The following APPL2 variants were observed in gnomAD, a reference collection of about 807,000 sequenced individuals.
APPL2 encodes adaptor protein, phosphotyrosine interacting with PH domain and leucine zipper 2.
A neutral mutation model predicts 92.7 loss-of-function variants in APPL2; 84 were observed. The ratio of observed to expected loss-of-function variants is 0.91; its 90% CI spans 0.76 to 1.09. APPL2 has a LOEUF of 1.09. APPL2 is among the 50% of genes least tolerant of loss of function. APPL2 has a pLI of 0.00. For synonymous variants in APPL2, 291 were observed against 291.0 expected (o/e 1.00, Z 0.00); for missense variants, 736 against 824.5 (o/e 0.89, Z 1.31).
At chr12:105,185,759 T>C (rs1239455790) in intron 17 of APPL2, among the ~76,000 whole-genome samples, 1 of 152,110 alleles carries the variant, frequency 6.6e-6, no homozygotes, top group Non-Finnish European at 1.5e-5. Context: ...CTCTAAATGG[T>C]CTCAGAACCT....
Position 105,188,429 on chromosome 12 carries a change from A to C in APPL2, c.1478T>G (p.Met493Arg). ...TGATCCCAAAAACCGAACTATAAAC[A>C]TCTGCTGCAAAAGAGAATCTGGAAG... ...PEAEDSLLQQ[M>R]FIVRFLGSMA... is the part of the protein sequence containing the mutation. Residue 493 changes from methionine (M) to arginine (R), a missense_variant, in exon 17 of 21, where the codon ATG becomes AGG. Coordinates refer to ENST00000258530, the MANE Select transcript of APPL2 (RefSeq NM_018171.5). 1 of 1,614,062 alleles carries C rather than the reference A, an allele frequency of 6.2e-7. No individual in the cohort carries two copies. Among genetic ancestry groups the C allele is most frequent in the Non-Finnish European group, 8.5e-7 (1 of 1,179,972 alleles).
In APPL2 at chr12:105,236,087, C is replaced by T; in HGVS notation, c.-75G>A. Reference sequence around the variant, plus strand: ...AGACGCGGCGGCCGAGAGCACTCCCCGGCTCTGGGCTCAGGCGACGCGGCG... The same window carrying T: ...AGACGCGGCGGCCGAGAGCACTCCCTGGCTCTGGGCTCAGGCGACGCGGCG... On this transcript the variant is annotated 5_prime_UTR_variant, in exon 1 of 21. Coordinates refer to ENST00000258530, the MANE Select transcript of APPL2 (RefSeq NM_018171.5). The T allele has an allele frequency of 9.0e-7, 1 of 1,107,620 alleles. No individual in the cohort carries two copies. Among genetic ancestry groups the T allele is most frequent in the South Asian group, 4.5e-5 (1 of 22,166 alleles). The allele number at this position is 1,107,620 out of a possible 1,614,324, so 68.6% of individuals were successfully genotyped here. A position where few individuals can be genotyped will look rare whatever the true frequency, so the allele number is the denominator to read the frequency against.
In APPL2 at chr12:105,207,154, G is replaced by C. The variant is rs1888776972; in HGVS notation, c.528C>G (p.Leu176=). ...GGGCACAGTAGTACTGAAGGGAGGAGAGGTGCTGCTTCCGCCGGGCCGCGG... is the reference window on the plus strand; with the variant it reads ...GGGCACAGTAGTACTGAAGGGAGGACAGGTGCTGCTTCCGCCGGGCCGCGG... The part of the protein sequence containing the change: ...EVAAARRKQH[L]SSLQYYCALN... Residue 176 remains leucine (L), a synonymous_variant, in exon 8 of 21, where the codon CTC becomes CTG. Transcript: ENST00000258530. 7 of 1,614,160 alleles carry C rather than the reference G, an allele frequency of 4.3e-6. No individual in the cohort carries two copies. The East Asian group carries it at 1.6e-4, about 36-fold the overall frequency.
intron 4 of APPL2, among the ~76,000 whole-genome samples, chr12:105,213,545 A>C (rs1889391785): frequency 6.6e-6 from 1 of 152,210 alleles, no homozygotes; most frequent in Non-Finnish European, 1.5e-5. Context: ...AGGTGCACTC[A>C]AAAGAAGTGG....
chr12:105,203,619 G>A lies in APPL2; in HGVS notation c.704+84C>T, dbSNP rs1888419827. 3.8e-6 allele frequency: 5 copies of A among 1,317,986 alleles called. No individual in the cohort carries two copies. In the South Asian group the frequency reaches 4.8e-5, roughly 13 times the overall value. 81.6% of individuals were successfully genotyped at this position (1,317,986 alleles called of 1,614,324 possible). A position where few individuals can be genotyped will look rare whatever the true frequency, so the allele number is the denominator to read the frequency against. On this transcript the variant is annotated intron_variant, in intron 9 of 20. Coordinates refer to ENST00000258530, the MANE Select transcript of APPL2 (RefSeq NM_018171.5). The stretch of plus-strand genomic sequence containing the variant: ...GGCTCTGTGCGACCCTCCACAGTTA[G>A]AACCCTCCCCGTGACCTCCCAGAGA...
chr12:105,182,150 C>G (rs1047973460), intron 17 of APPL2, among the ~76,000 whole-genome samples: 2 of 152,150 alleles, frequency 1.3e-5, no homozygotes, highest in African/African-American at 4.8e-5. Flanking sequence ...TCCAGCCTCT[C>G]CAGTAGCTGG....
chr12:105,212,319 G>A (rs1183765235), intron 4 of APPL2, among the ~76,000 whole-genome samples: 1 of 152,082 alleles, frequency 6.6e-6, no homozygotes, highest in Non-Finnish European at 1.5e-5. Flanking sequence ...AAATTATCTA[G>A]GAGAAATAAA....
chr12:105,177,107 ATCCTATTAG>A (rs1009209895), intron 18 of APPL2, 91 bp from the exon 19 acceptor site: 2 of 1,600,248 alleles, frequency 1.2e-6, no homozygotes, highest in African/African-American at 2.7e-5. Flanking sequence ...GAGAAAAAGT[ATCCTATTAG>A]TCCTATTAGT....
chr12:105,174,876 T>TG (rs59473626), intron 20 of APPL2, among the ~76,000 whole-genome samples: 1,363 of 88,896 alleles, frequency 0.015, 122 homozygotes, highest in African/African-American at 0.053. Context: ...TTTTTTTTGG[T>TG]GGGGGGGGGG....
At chr12:105,209,723 T>C (rs935713882) in intron 5 of APPL2, among the ~76,000 whole-genome samples, 2 of 152,234 alleles carry the variant, frequency 1.3e-5, no homozygotes, top group Non-Finnish European at 2.9e-5. Context: ...GAGGCAAGCA[T>C]GTTTTAGCTT....
intron 17 of APPL2, among the ~76,000 whole-genome samples, chr12:105,184,727 C>G (rs1886432604): frequency 6.6e-6 from 1 of 152,202 alleles, no homozygotes; most frequent in Non-Finnish European, 1.5e-5. Flanking sequence ...CAGGAACCAC[C>G]AGAGTCAGGG....
chr12:105,176,378 C>T, intron 19 of APPL2: 1 of 532,918 alleles, frequency 1.9e-6, no homozygotes, highest in Non-Finnish European at 3.2e-6. Context: ...TGTATTTAGC[C>T]ACGATATGTC....
intron 5 of APPL2, among the ~76,000 whole-genome samples, chr12:105,208,693 G>A (rs925022768): frequency 1.3e-5 from 2 of 152,088 alleles, no homozygotes; most frequent in Non-Finnish European, 2.9e-5. Flanking sequence ...AACGTGACAC[G>A]ATCTAGCATA....
intron 14 of APPL2, among the ~76,000 whole-genome samples, chr12:105,191,615 A>G (rs1049432788): frequency 1.3e-5 from 2 of 152,172 alleles, no homozygotes; most frequent in African/African-American, 4.8e-5. Flanking sequence ...ACACAACAGT[A>G]TAGGGAGCCA....
rs558953822 is a variant in APPL2, at chr12:105,189,918, G to A, written c.1406+73C>T. On this transcript the variant is annotated intron_variant, in intron 15 of 20. Transcript: ENST00000258530. ...GAAATCAGAATGGCAACAGTCTTTG[G>A]TGGTGGAGGGGGACACAAGATACCT... 5.6e-6 allele frequency: 9 copies of A among 1,610,808 alleles called. No homozygotes were observed. The East Asian group carries it at 8.9e-5, about 16-fold the overall frequency.
intron 17 of APPL2, among the ~76,000 whole-genome samples, chr12:105,183,545 G>T (rs1886321229): frequency 6.6e-6 from 1 of 152,126 alleles, no homozygotes; most frequent in Admixed American, 6.5e-5. Flanking sequence ...TGAAATTCTG[G>T]GTTGAAAATT....
At chr12:105,233,046 A>G (rs1419882787) in intron 1 of APPL2, 1 of 952,478 alleles carries the variant, frequency 1.0e-6, no homozygotes, top group Non-Finnish European at 1.3e-6. Flanking sequence ...CCGAGCAAGC[A>G]ACAGTGCTGT....
intron 17 of APPL2, among the ~76,000 whole-genome samples, chr12:105,185,053 C>T (rs1451593172): frequency 6.6e-6 from 1 of 152,182 alleles, no homozygotes; most frequent in East Asian, 1.9e-4. Context: ...TTTCTTTACA[C>T]TCTAAGGGGA....
chr12:105,181,300 G>C (rs1278694521), intron 17 of APPL2, among the ~76,000 whole-genome samples: 1 of 152,166 alleles, frequency 6.6e-6, no homozygotes, highest in Non-Finnish European at 1.5e-5. Flanking sequence ...TTGCATCCCA[G>C]GGATGAAGCC....
Sources: allele counts gnomAD v4.1 joint callset (sites outside exome capture counted in the v4.1 genomes callset), GRCh38; gene constraint gnomAD v4.1.1; transcripts MANE v1.5; gene names NCBI Gene and HGNC (gene_info 2026-07-23, HGNC 2026-07-21).